POLR3B: variants seen among roughly 807,000 people sequenced by gnomAD.
POLR3B encodes DNA-directed RNA polymerase III subunit RPC2.
A neutral mutation model predicts 147.4 loss-of-function variants in POLR3B; 96 were observed. The ratio of observed to expected loss-of-function variants is 0.65; its 90% confidence interval spans 0.55 to 0.77. POLR3B has a LOEUF of 0.77. Ranked by LOEUF, POLR3B falls within the 30% of genes least tolerant of loss-of-function variation. The probability of loss-of-function intolerance (pLI) is 0.00; values close to 1 mark genes in which losing one functional copy is unlikely to be tolerated. For missense variants in POLR3B, 1,036 were observed against 1,413.5 expected (o/e 0.73, Z 4.28); for synonymous variants, 461 against 485.9 (o/e 0.95, Z 0.67).
chr12:106,366,901 C>T (rs570084846), intron 4 of POLR3B, among the ~76,000 whole-genome samples, 179 bp downstream of exon 4: 7 of 152,224 alleles, frequency 4.6e-5, no homozygotes, highest in East Asian at 1.9e-4. Context: ...GTCAAGAGTT[C>T]GAGACCAGCC....
At chr12:106,466,378 A>G (rs918317028) in intron 23 of POLR3B, among the ~76,000 whole-genome samples, 1 of 152,182 alleles carries the variant, frequency 6.6e-6, no homozygotes, top group Non-Finnish European at 1.5e-5. Flanking sequence ...GATAGATTGC[A>G]AAAATTTTCT....
At chr12:106,439,571 G>T (rs774911793) in intron 18 of POLR3B, among the ~76,000 whole-genome samples, 1 of 152,006 alleles carries the variant, frequency 6.6e-6, no homozygotes, top group Non-Finnish European at 1.5e-5. Flanking sequence ...CATGAGTCCA[G>T]GAGGTGGAGG....
intron 12 of POLR3B, among the ~76,000 whole-genome samples, chr12:106,422,271 G>A (rs12307619): frequency 0.075 from 11,431 of 151,990 alleles, 1,075 homozygotes; most frequent in African/African-American, 0.22. Flanking sequence ...ATGTAGCATC[G>A]TCCCCTTCTC....
chr12:106,458,443 A>G (rs544229044), intron 21 of POLR3B, among the ~76,000 whole-genome samples: 1 of 152,270 alleles, frequency 6.6e-6, no homozygotes, highest in East Asian at 1.9e-4. Flanking sequence ...TCCTAAAAGC[A>G]ATGATATATT....
intron 23 of POLR3B, among the ~76,000 whole-genome samples, chr12:106,484,598 A>G (rs951048498): frequency 2.0e-4 from 31 of 151,978 alleles, no homozygotes; most frequent in African/African-American, 7.0e-4. Context: ...TTCAAGAAAA[A>G]AAAGTGTAAA....
intron 23 of POLR3B, among the ~76,000 whole-genome samples, chr12:106,477,818 C>A (rs61941943): frequency 6.6e-6 from 1 of 150,696 alleles, no homozygotes; most frequent in Non-Finnish European, 1.5e-5. Context: ...AGAAATCACC[C>A]GTCTTCTGCG....
chr12:106,484,804 T>C (rs1046036366), intron 23 of POLR3B, among the ~76,000 whole-genome samples: 1 of 151,948 alleles, frequency 6.6e-6, no homozygotes, highest in Non-Finnish European at 1.5e-5. Flanking sequence ...GAGGATTTAG[T>C]TATAGGCAGA....
At chr12:106,496,275 C>T in intron 24 of POLR3B, 117 bp downstream of exon 24, 1 of 754,290 alleles carries the variant, frequency 1.3e-6, no homozygotes, top group Non-Finnish European at 2.4e-6. Flanking sequence ...AGGTAGAGCT[C>T]TTCTGCCCCT....
chr12:106,367,030 G>A (rs542974909), intron 4 of POLR3B, among the ~76,000 whole-genome samples: 1 of 152,138 alleles, frequency 6.6e-6, no homozygotes, highest in African/African-American at 2.4e-5. Context: ...TTGAATCTGG[G>A]ACGGGGAGAT....
chr12:106,449,229 G>A (rs1369138180), intron 19 of POLR3B, among the ~76,000 whole-genome samples: 5 of 152,170 alleles, frequency 3.3e-5, no homozygotes, highest in Non-Finnish European at 7.3e-5. Context: ...TGTACATGAA[G>A]CAAAGTTTGA....
intron 18 of POLR3B, among the ~76,000 whole-genome samples, chr12:106,442,222 T>C: frequency 6.6e-6 from 1 of 152,178 alleles, no homozygotes; most frequent in East Asian, 1.9e-4. Flanking sequence ...TATTAGATAC[T>C]ATGTGAGTTT....
chr12:106,384,652 T>A (rs530949419), intron 9 of POLR3B, among the ~76,000 whole-genome samples: 20 of 152,230 alleles, frequency 1.3e-4, no homozygotes, highest in African/African-American at 1.9e-4. Context: ...GATTGCAGTA[T>A]AAGATGGCCC....
At chr12:106,430,101 T>G (rs1349915493) in intron 13 of POLR3B, among the ~76,000 whole-genome samples, 172 bp from the exon 14 acceptor site, 1 of 152,234 alleles carries the variant, frequency 6.6e-6, no homozygotes, top group Non-Finnish European at 1.5e-5. Flanking sequence ...CCCCAGCAAG[T>G]GACTTGACTA....
chr12:106,505,372 C>T (rs952002283), intron 27 of POLR3B, among the ~76,000 whole-genome samples: 6 of 151,472 alleles, frequency 4.0e-5, no homozygotes, highest in African/African-American at 1.5e-4. Flanking sequence ...ACTGCAGCCT[C>T]AACCTCCCAG....
chr12:106,492,637 C>T (rs1193420929), intron 23 of POLR3B, among the ~76,000 whole-genome samples: 2 of 152,184 alleles, frequency 1.3e-5, no homozygotes, highest in Non-Finnish European at 2.9e-5. Flanking sequence ...CTATGTTGTT[C>T]TGTGAAGCCT....
chr12:106,370,424 A>G (rs568952056), intron 6 of POLR3B, among the ~76,000 whole-genome samples: 5 of 152,260 alleles, frequency 3.3e-5, no homozygotes, highest in African/African-American at 9.6e-5. Flanking sequence ...AGGCATATGT[A>G]ATTATGGCAC....
intron 27 of POLR3B, among the ~76,000 whole-genome samples, chr12:106,506,608 G>A (rs2038692084): frequency 6.6e-6 from 1 of 152,140 alleles, no homozygotes; most frequent in Non-Finnish European, 1.5e-5. Flanking sequence ...GCATCTGATG[G>A]CAGTGTCTGA....
At chr12:106,491,653 A>C (rs2038409192) in intron 23 of POLR3B, among the ~76,000 whole-genome samples, 1 of 152,220 alleles carries the variant, frequency 6.6e-6, no homozygotes, top group Admixed American at 6.5e-5. Flanking sequence ...ATCCTGCCAG[A>C]TGTGCTCCAC....
intron 23 of POLR3B, among the ~76,000 whole-genome samples, chr12:106,469,807 G>A (rs2038063669): frequency 6.6e-6 from 1 of 152,212 alleles, no homozygotes; most frequent in South Asian, 2.1e-4. Flanking sequence ...TAGGGTTTCT[G>A]CAGAGAGATC....
Sources: gnomAD v4.1 joint callset for allele counts (sites outside exome capture counted in the v4.1 genomes callset) on GRCh38, gnomAD v4.1.1 for gene constraint, MANE v1.5 for transcripts, NCBI Gene and HGNC (gene_info 2026-07-23, HGNC 2026-07-21) for gene names.